Variants in PM20D2 observed in about 807,000 individuals in gnomAD.
PM20D2 encodes the protein xaa-Arg dipeptidase.
A neutral mutation model predicts 42.9 loss-of-function variants in PM20D2; 33 were observed. The observed-to-expected ratio is 0.77, with a 90% CI of 0.58 to 1.03. The LOEUF (loss-of-function observed/expected upper bound fraction) is 1.03, where lower values mean the gene tolerates loss of function less well. Among genes scored for constraint, PM20D2 ranks in the 50% least tolerant of loss-of-function variants. The probability of loss-of-function intolerance (pLI) is 0.00; values close to 1 mark genes in which losing one functional copy is unlikely to be tolerated. For synonymous variants in PM20D2, 250 were observed against 228.2 expected (o/e 1.10, Z -0.86); for missense variants, 548 against 557.0 (o/e 0.98, Z 0.16).
At position 89,162,570 on chromosome 6, in the gene PM20D2, G is replaced by T; in HGVS notation, c.*307G>T. 9.9e-6 allele frequency: 2 copies of T among 202,332 alleles called. No homozygotes were observed. The highest frequency in any genetic ancestry group is 2.0e-5 in the Non-Finnish European group (2 of 100,844). 12.5% of individuals were successfully genotyped at this position (202,332 alleles called of 1,614,324 possible). A position where few individuals can be genotyped will look rare whatever the true frequency, so the allele number is the denominator to read the frequency against. On this transcript the variant is annotated 3_prime_UTR_variant, in exon 7 of 7. Coordinates refer to ENST00000275072, the MANE Select transcript of PM20D2 (RefSeq NM_001010853.3). ...CCATTTCTTAACCTGGAGGATACAT[G>T]GCATCATTTTTATAAAATATGTTAG...
rs759894644 is a variant in PM20D2 at position 89,146,087 on chromosome 6, G to T, written c.-58G>T. On this transcript the variant is annotated 5_prime_UTR_variant, in exon 1 of 7. Transcript: ENST00000275072. The stretch of plus-strand genomic sequence containing the variant: ...CCTCTGGGCGCGTGCGCGGGCGGTC[G>T]CTACCTGCGGCCGAGCCAGGGAGCG... The T allele has an allele frequency of 3.0e-6, 4 of 1,347,742 alleles. No individual in the cohort carries two copies. Among genetic ancestry groups the T allele is most frequent in the South Asian group, 1.8e-5 (1 of 55,116 alleles). The allele number at this position is 1,347,742 out of a possible 1,614,324, so 83.5% of individuals were successfully genotyped here.
Position 89,146,115 on chromosome 6 carries a change from A to C in PM20D2, c.-30A>C, listed in dbSNP as rs764972766. ...ACCTGCGGCCGAGCCAGGGAGCGAG[A>C]GGGCGCAGAGGGCAGCGGGCTTGGG... On this transcript the variant is annotated 5_prime_UTR_variant, in exon 1 of 7. Transcript: ENST00000275072. The C allele has an allele frequency of 7.9e-6, 11 of 1,399,482 alleles. No individual in the cohort carries two copies. In the African/African-American group the frequency reaches 9.0e-5, roughly 11 times the overall value. 86.7% of individuals were successfully genotyped at this position (1,399,482 alleles called of 1,614,324 possible). A position where few individuals can be genotyped will look rare whatever the true frequency, so the allele number is the denominator to read the frequency against.
chr6:89,112,204 C>G, the PM20D2 span, among the ~76,000 whole-genome samples: 3 of 151,992 alleles, frequency 2.0e-5, no homozygotes. Context: ...GCATGAGCCA[C>G]CTCTCCCGGC....
At chr6:89,110,764 CACT>C in the PM20D2 span, among the ~76,000 whole-genome samples, 6 of 152,014 alleles carry the variant, frequency 3.9e-5, no homozygotes, top group Non-Finnish European at 7.4e-5. Flanking sequence ...ACCTTAGCTT[CACT>C]ACATGTTCTT....
chr6:89,104,983 G>A, the PM20D2 span: 1 of 790,412 alleles, frequency 1.3e-6, no homozygotes, highest in Non-Finnish European at 1.8e-6. Flanking sequence ...TTGAGTCTAG[G>A]AGGTCAAGTC....
the PM20D2 span, among the ~76,000 whole-genome samples, chr6:89,113,324 C>A: frequency 6.6e-6 from 1 of 152,136 alleles, no homozygotes; most frequent in South Asian, 2.1e-4. Flanking sequence ...CAGGCGAGTG[C>A]CACCACGCCC....
At chr6:89,111,887 G>A in the PM20D2 span, among the ~76,000 whole-genome samples, 14 of 152,114 alleles carry the variant, frequency 9.2e-5, no homozygotes, top group African/African-American at 3.4e-4. Context: ...CTAGACTGGA[G>A]TTCCATTAAT....
chr6:89,149,280 A>C lies in PM20D2; in HGVS notation c.481A>C (p.Thr161Pro). Residue 161 changes from threonine (T) to proline (P), a missense_variant, in exon 2 of 7, where the codon ACC becomes CCC. By Grantham distance (38) the Thr-to-Pro change is conservative. Coordinates refer to ENST00000275072, the MANE Select transcript of PM20D2 (RefSeq NM_001010853.3). ...TTCCTTCTAGGTAGTTGTCCTGGGAACCCCTGCAGAAGAAGATGGTGGTGG... is the reference window on the plus strand; with the variant it reads ...TTCCTTCTAGGTAGTTGTCCTGGGACCCCCTGCAGAAGAAGATGGTGGTGG... ...PPPVKVVVLG[T>P]PAEEDGGGKI... is the part of the protein sequence containing the mutation. The C allele has an allele frequency of 6.2e-7, 1 of 1,613,712 alleles. No homozygotes were observed. The highest frequency in any genetic ancestry group is 1.3e-5 in the African/African-American group (1 of 74,962).
chr6:89,118,063 C>A, the PM20D2 span: 1 of 316,236 alleles, frequency 3.2e-6, no homozygotes, highest in Non-Finnish European at 4.9e-6. Context: ...CGCAGCGCGG[C>A]GCCAGCCTGG....
rs539755586 is a variant in PM20D2 at position 89,164,733 on chromosome 6, T to C, written c.*2470T>C. The C allele has an allele frequency of 3.3e-5, 5 of 152,362 alleles. No homozygotes were observed. In the South Asian group the frequency reaches 6.2e-4, roughly 19 times the overall value. The allele number at this position is 152,362 out of a possible 1,614,324, so 9.4% of individuals were successfully genotyped here. A position where few individuals can be genotyped will look rare whatever the true frequency, so the allele number is the denominator to read the frequency against. On this transcript the variant is annotated 3_prime_UTR_variant, in exon 7 of 7. Transcript: ENST00000275072. ...AACTGAAAGAAAACAAGACAAAATG[T>C]CTATGGTAGGGAATAAAAGAGTTTA...
intron 2 of PM20D2, among the ~76,000 whole-genome samples, chr6:89,152,183 G>C (rs1226473182): frequency 6.6e-6 from 1 of 152,076 alleles, no homozygotes; most frequent in African/African-American, 2.4e-5. Flanking sequence ...ATACGTGTTT[G>C]ATGTTTTTAC....
At chr6:89,104,701 T>C in the PM20D2 span, among the ~76,000 whole-genome samples, 1 of 152,076 alleles carries the variant, frequency 6.6e-6, no homozygotes, top group Non-Finnish European at 1.5e-5. Context: ...TTAACAAAAA[T>C]TGATTATGTT....
upstream of PM20D2, among the ~76,000 whole-genome samples, chr6:89,145,876 A>G (rs1449665263): frequency 6.6e-6 from 1 of 152,222 alleles, no homozygotes; most frequent in African/African-American, 2.4e-5. Flanking sequence ...GCAGCCAAGG[A>G]GGTGGAAGAG....
At chr6:89,145,968 C>T, upstream of PM20D2, 2 of 472,790 alleles carry the variant, frequency 4.2e-6, no homozygotes, top group Non-Finnish European at 6.8e-6. Context: ...CGGCCGCCAG[C>T]GTTTCCCGCG....
the PM20D2 span, among the ~76,000 whole-genome samples, chr6:89,100,399 A>C: frequency 1.3e-5 from 2 of 152,210 alleles, no homozygotes; most frequent in African/African-American, 4.8e-5. Flanking sequence ...ACAACACCCA[A>C]AACCAAGCCT....
chr6:89,110,065 T>C, the PM20D2 span, among the ~76,000 whole-genome samples: 1 of 151,962 alleles, frequency 6.6e-6, no homozygotes, highest in East Asian at 1.9e-4. Flanking sequence ...CACTCCAGCC[T>C]GGGCAACAGA....
the PM20D2 span, among the ~76,000 whole-genome samples, chr6:89,115,320 C>T: frequency 4.6e-5 from 7 of 152,086 alleles, no homozygotes; most frequent in Non-Finnish European, 8.8e-5. Context: ...CTCACTCTGT[C>T]GCCCAGGCTG....
the PM20D2 span, chr6:89,117,757 G>A: frequency 6.8e-7 from 1 of 1,469,046 alleles, no homozygotes; most frequent in Admixed American, 2.4e-5. Context: ...CCTCGGCCGT[G>A]CTCCGCGGCG....
chr6:89,148,554 T>C (rs1349665774), intron 1 of PM20D2: 2 of 983,790 alleles, frequency 2.0e-6, no homozygotes, highest in Non-Finnish European at 2.4e-6. Flanking sequence ...TCTGCCTGGT[T>C]GAACTGGTGG....
Sources: allele counts gnomAD v4.1 joint callset (sites outside exome capture counted in the v4.1 genomes callset), GRCh38; gene constraint gnomAD v4.1.1; transcripts MANE v1.5; gene names NCBI Gene and HGNC (gene_info 2026-07-23, HGNC 2026-07-21).